KCNQ5: variants seen among roughly 807,000 people sequenced by gnomAD.
KCNQ5 encodes the protein potassium voltage-gated channel subfamily KQT member 5.
A neutral mutation model predicts 98.2 loss-of-function variants in KCNQ5; 30 were observed. That is an observed-to-expected ratio of 0.31 (90% CI 0.23 to 0.41). KCNQ5 has a LOEUF of 0.41. KCNQ5 is among the 10% of genes least tolerant of loss of function. KCNQ5 has a pLI of 1.00. For missense variants in KCNQ5, 835 were observed against 1,182.5 expected (o/e 0.71, Z 4.31); for synonymous variants, 458 against 449.4 (o/e 1.02, Z -0.24).
chr6:73,020,538 G>A (rs1770555673), intron 2 of KCNQ5, among the ~76,000 whole-genome samples: 2 of 151,850 alleles, frequency 1.3e-5, no homozygotes, highest in South Asian at 4.2e-4. Context: ...TTTTATGGAG[G>A]GTGCTTCATT....
intron 1 of KCNQ5, among the ~76,000 whole-genome samples, chr6:72,752,003 G>A (rs1561960162): frequency 6.6e-6 from 1 of 152,048 alleles, no homozygotes; most frequent in Non-Finnish European, 1.5e-5. Context: ...CCTTTTGTTT[G>A]TTTGGGGTTT....
intron 9 of KCNQ5, among the ~76,000 whole-genome samples, chr6:73,132,459 C>T (rs1306944376): frequency 6.6e-6 from 1 of 152,154 alleles, no homozygotes; most frequent in East Asian, 1.9e-4. Context: ...CCACAAGAAT[C>T]CCTTAGCTGT....
At chr6:72,793,963 A>G (rs974216548) in intron 1 of KCNQ5, among the ~76,000 whole-genome samples, 2 of 152,272 alleles carry the variant, frequency 1.3e-5, no homozygotes, top group Non-Finnish European at 2.9e-5. Context: ...AAATGAGTAT[A>G]TGAATATTCT....
chr6:72,750,741 G>A (rs1771637031), intron 1 of KCNQ5, among the ~76,000 whole-genome samples: 1 of 151,882 alleles, frequency 6.6e-6, no homozygotes, highest in South Asian at 2.1e-4. Flanking sequence ...TAAAAATGTT[G>A]AATTCATGTG....
intron 1 of KCNQ5, chr6:72,986,846 C>A: frequency 9.7e-7 from 1 of 1,030,742 alleles, no homozygotes; most frequent in Non-Finnish European, 1.5e-6. Flanking sequence ...CCCCACAGCC[C>A]TCTCAGTCCA....
At chr6:72,988,401 G>C (rs902502712) in intron 1 of KCNQ5, among the ~76,000 whole-genome samples, 4 of 151,966 alleles carry the variant, frequency 2.6e-5, no homozygotes, top group Non-Finnish European at 5.9e-5. Context: ...AATTAGTACA[G>C]GAACAAAAAA....
intron 1 of KCNQ5, among the ~76,000 whole-genome samples, chr6:72,862,065 T>C (rs994455721): frequency 2.6e-5 from 4 of 152,160 alleles, no homozygotes; most frequent in African/African-American, 9.7e-5. Context: ...GCTCAGACTC[T>C]ATGTGAACTT....
chr6:72,659,235 G>A lies in KCNQ5; in HGVS notation c.398+36648G>A, dbSNP rs140147562. Among the ~76,000 whole-genome samples, 66 of 152,080 alleles carry A rather than the reference G, an allele frequency of 4.3e-4. 1 individual carries two copies. In the East Asian group the frequency reaches 0.012, roughly 29 times the overall value. On this transcript the variant is annotated intron_variant, in intron 1 of 13. Coordinates refer to ENST00000370398, the MANE Select transcript of KCNQ5 (RefSeq NM_019842.4). ...TGTCTTATTAATATTTCCAAGGATGGCTATAGACATTTCTGCCTGAATATG... is the reference window on the plus strand; with the variant it reads ...TGTCTTATTAATATTTCCAAGGATGACTATAGACATTTCTGCCTGAATATG...
intron 10 of KCNQ5, among the ~76,000 whole-genome samples, chr6:73,159,525 TTAAG>T (rs577881037): frequency 4.6e-5 from 7 of 152,362 alleles, no homozygotes; most frequent in South Asian, 2.1e-4. Flanking sequence ...TGATTATACA[TTAAG>T]TATTTTATTG....
intron 1 of KCNQ5, among the ~76,000 whole-genome samples, chr6:72,827,396 T>C (rs2150120153): frequency 6.6e-6 from 1 of 152,252 alleles, no homozygotes; most frequent in Non-Finnish European, 1.5e-5. Context: ...ATTTGTTATT[T>C]TTTGTCTTTT....
chr6:72,675,519 C>T (rs1767363631), intron 1 of KCNQ5, among the ~76,000 whole-genome samples: 1 of 152,170 alleles, frequency 6.6e-6, no homozygotes, highest in South Asian at 2.1e-4. Flanking sequence ...GGTGTCTGCC[C>T]CTACTTTGTC....
At chr6:73,000,989 T>C (rs535746050) in intron 1 of KCNQ5, among the ~76,000 whole-genome samples, 2 of 152,196 alleles carry the variant, frequency 1.3e-5, no homozygotes, top group South Asian at 4.1e-4. Context: ...ATAATTCTCG[T>C]TCCATGAAAC....
intron 1 of KCNQ5, among the ~76,000 whole-genome samples, chr6:72,816,496 A>G (rs1180154927): frequency 6.6e-6 from 1 of 152,248 alleles, no homozygotes; most frequent in East Asian, 1.9e-4. Context: ...AAACTGAAAG[A>G]GAGTTTCCAG....
chr6:73,146,364 C>T (rs1319086545), intron 10 of KCNQ5, among the ~76,000 whole-genome samples: 1 of 152,154 alleles, frequency 6.6e-6, no homozygotes, highest in East Asian at 1.9e-4. Context: ...GTGGCTCACA[C>T]CTGTGATCCC....
chr6:73,033,607 ACTGT>A (rs889071878), intron 2 of KCNQ5, among the ~76,000 whole-genome samples: 1 of 152,118 alleles, frequency 6.6e-6, no homozygotes, highest in Non-Finnish European at 1.5e-5. Flanking sequence ...CCGCAGTGAC[ACTGT>A]CTGTCAAAAC....
At chr6:72,828,212 A>C (rs931008481) in intron 1 of KCNQ5, among the ~76,000 whole-genome samples, 3 of 151,934 alleles carry the variant, frequency 2.0e-5, no homozygotes, top group Non-Finnish European at 4.4e-5. Flanking sequence ...GGCTACTCAG[A>C]GTCCTTTGTG....
intron 1 of KCNQ5, among the ~76,000 whole-genome samples, chr6:72,830,307 G>A (rs1237979188): frequency 6.6e-6 from 1 of 152,168 alleles, no homozygotes; most frequent in Non-Finnish European, 1.5e-5. Context: ...CAAAGCTGGA[G>A]GCATCACACT....
chr6:72,876,231 A>G (rs999177115), intron 1 of KCNQ5, among the ~76,000 whole-genome samples: 5 of 152,168 alleles, frequency 3.3e-5, no homozygotes, highest in Non-Finnish European at 4.4e-5. Flanking sequence ...ATAAATTAAT[A>G]TATCAGCTTT....
intron 1 of KCNQ5, among the ~76,000 whole-genome samples, chr6:72,808,485 T>C (rs921144244): frequency 6.6e-6 from 1 of 152,192 alleles, no homozygotes; most frequent in Non-Finnish European, 1.5e-5. Context: ...ATCATGTTTT[T>C]ATTAGCTATT....
Sources: gnomAD v4.1 joint callset for allele counts (sites outside exome capture counted in the v4.1 genomes callset) on GRCh38, gnomAD v4.1.1 for gene constraint, MANE v1.5 for transcripts, NCBI Gene and HGNC (gene_info 2026-07-23, HGNC 2026-07-21) for gene names.